The following PAK4 variants were observed in gnomAD, a reference collection of about 807,000 sequenced individuals.
PAK4 encodes the protein p21 (RAC1) activated kinase 4.
In PAK4, 49 loss-of-function variants were observed where a neutral mutation model predicts 53.5. The observed-to-expected ratio is 0.92, with a 90% CI of 0.73 to 1.16. The LOEUF is 1.16. PAK4 is among the 50% of genes most tolerant of loss of function. PAK4 has a pLI of 0.00. For synonymous variants in PAK4, 376 were observed against 375.6 expected (o/e 1.00, Z -0.01); for missense variants, 824 against 850.7 (o/e 0.97, Z 0.39).
At chr19:39,135,956 C>G (rs142322107) in intron 1 of PAK4, among the ~76,000 whole-genome samples, 4 of 151,486 alleles carry the variant, frequency 2.6e-5, no homozygotes, top group Non-Finnish European at 5.9e-5. Flanking sequence ...GACAATGTAA[C>G]CTGGTGCTGC....
At chr19:39,167,153 C>G (rs2074390131) in intron 1 of PAK4, among the ~76,000 whole-genome samples, 1 of 152,224 alleles carries the variant, frequency 6.6e-6, no homozygotes, top group Non-Finnish European at 1.5e-5. Flanking sequence ...GCCCTCCGGG[C>G]TTAGTGAGGG....
chr19:39,176,816 T>C (rs2074615475), intron 7 of PAK4, 101 bp downstream of exon 8: 12 of 1,404,382 alleles, frequency 8.5e-6, no homozygotes, highest in Non-Finnish European at 1.2e-5. Flanking sequence ...TGGGGAGTCA[T>C]TGCCAGGAAT....
chr19:39,135,675 C>CGACTGAAG (rs2145121822), intron 1 of PAK4, among the ~76,000 whole-genome samples: 2 of 152,054 alleles, frequency 1.3e-5, no homozygotes, highest in East Asian at 3.9e-4. Context: ...TGGGGCCCAG[C>CGACTGAAG]GACTGAAGGG....
intron 2 of PAK4, among the ~76,000 whole-genome samples, chr19:39,171,707 G>A (rs1345810007): frequency 6.6e-6 from 1 of 152,156 alleles, no homozygotes; most frequent in African/African-American, 2.4e-5. Context: ...GGCAGGGTCC[G>A]GGTTTCGTGG....
chr19:39,173,066 C>T lies in PAK4; in HGVS notation c.353C>T (p.Pro118Leu). ...CGTGCCCGCCAGGAAAATGGGATGC[C>T]AGAGGAGCCGGCCACCACGGCCAGA... Residue 118 changes from proline to leucine, a missense_variant, in exon 3 of 9, where the codon CCA becomes CTA. Physicochemically the swap from Pro to Leu is moderately conservative, Grantham distance 98. Transcript: ENST00000358301. This position sits in a 1 kb window ranked among gnomAD's most constrained non-coding sequence, Gnocchi z 6.9. 1 of 1,549,026 alleles carries T rather than the reference C, an allele frequency of 6.5e-7. No individual in the cohort carries two copies.
At chr19:39,127,394 C>A (rs73044461) in intron 1 of PAK4, among the ~76,000 whole-genome samples, 1 of 151,966 alleles carries the variant, frequency 6.6e-6, no homozygotes, top group Admixed American at 6.6e-5. Flanking sequence ...ACTGACGGGT[C>A]GCTCACTCTC....
chr19:39,168,365 G>A (rs1258907097), intron 1 of PAK4, 63 bp downstream of exon 2: 1 of 152,270 alleles, frequency 6.6e-6, no homozygotes, highest in Non-Finnish European at 1.5e-5. Context: ...GGGCCTTAGG[G>A]GGGAGCAGGA....
At chr19:39,133,298 C>T (rs188818572) in intron 1 of PAK4, among the ~76,000 whole-genome samples, 32 of 152,284 alleles carry the variant, frequency 2.1e-4, no homozygotes, top group Admixed American at 1.2e-3. Flanking sequence ...CTGTTAGCTG[C>T]GTTACTAATA....
rs187595768 is a variant in PAK4, at chr19:39,175,559, C to T, written c.1359+121C>T. The stretch of plus-strand genomic sequence containing the variant: ...ACCCCCAGGTCTGTGTCTTGAGGAG[C>T]TGGGAACTTCGTCCCTCCCTGGTGG... On this transcript the variant is annotated intron_variant, in intron 6 of 8. Transcript: ENST00000358301. The surrounding 1 kb of genome is among the most constrained non-coding windows in gnomAD (Gnocchi z 4.7). 1.1e-3 allele frequency: 1,252 copies of T among 1,115,406 alleles called. 14 individuals carry two copies. The African/African-American group carries it at 0.018, about 16-fold the overall frequency. The allele number at this position is 1,115,406 out of a possible 1,614,324, so 69.1% of individuals were successfully genotyped here.
At chr19:39,142,854 G>A (rs1180796969) in intron 1 of PAK4, among the ~76,000 whole-genome samples, 1 of 152,152 alleles carries the variant, frequency 6.6e-6, no homozygotes, top group Non-Finnish European at 1.5e-5. Flanking sequence ...CGTCCCTTGG[G>A]CTGTGGTGAC....
downstream of PAK4, chr19:39,181,132 CAA>C (rs2074696934): frequency 1.3e-5 from 2 of 152,370 alleles, no homozygotes; most frequent in African/African-American, 4.8e-5. Context: ...TTTTTAGAGA[CAA>C]GATGTTGCTA....
At chr19:39,165,452 TTG>T (rs1266416517) in intron 1 of PAK4, among the ~76,000 whole-genome samples, 2 of 148,680 alleles carry the variant, frequency 1.3e-5, no homozygotes, top group African/African-American at 4.9e-5. Context: ...GAGGCGGAGG[TTG>T]CAGTGAGCTG....
At chr19:39,168,010 C>T (rs753379068) in intron 1 of PAK4, 7 of 152,464 alleles carry the variant, frequency 4.6e-5, no homozygotes, top group Non-Finnish European at 7.3e-5. Context: ...CTGCCCACCC[C>T]GCGTCCCTCC....
At chr19:39,165,179 G>GGAT (rs200789343) in intron 1 of PAK4, among the ~76,000 whole-genome samples, 8 of 138,766 alleles carry the variant, frequency 5.8e-5, no homozygotes, top group East Asian at 4.3e-4. Flanking sequence ...AGCCTTGAGA[G>GGAT]GATGATGATG....
At chr19:39,128,890 T>G (rs1238478097) in intron 1 of PAK4, among the ~76,000 whole-genome samples, 8 of 152,248 alleles carry the variant, frequency 5.3e-5, no homozygotes, top group Admixed American at 5.2e-4. Context: ...AAAGATGCCT[T>G]GGCCCAGGCC....
In PAK4 at chr19:39,128,187, A is replaced by C. The variant is rs145212498; in HGVS notation, c.-23+2268A>C. 5.7e-3 allele frequency among the ~76,000 whole-genome samples: 870 copies of C among 152,338 alleles called. 5 individuals carry two copies. The highest frequency in any genetic ancestry group is 0.017 in the Middle Eastern group (5 of 294). ...ATGGGCATAGTGTTAGCGCTGCCTC[A>C]TAGAATTGCTGTGAGGATGCAGGCT... On this transcript the variant is annotated intron_variant, in intron 1 of 8. Transcript: ENST00000358301.
intron 2 of PAK4, 141 bp from the exon 4 acceptor site, chr19:39,172,777 T>G: frequency 1.4e-6 from 1 of 738,034 alleles, no homozygotes; most frequent in Non-Finnish European, 2.2e-6. Flanking sequence ...GCCCATGCCA[T>G]TGTCACTCCA....
At chr19:39,145,817 C>T (rs950335456) in intron 1 of PAK4, among the ~76,000 whole-genome samples, 3 of 152,236 alleles carry the variant, frequency 2.0e-5, no homozygotes, top group Middle Eastern at 3.4e-3. Flanking sequence ...CCCTCACCCG[C>T]CCTGTTTGCC....
chr19:39,175,394 C>T lies in PAK4; in HGVS notation c.1315C>T (p.Arg439Trp), dbSNP rs375117492. ...GCTCCACGCCCAGGGCGTCATCCAC[C>T]GGGACATCAAGAGCGACTCGATCCT... is the stretch of plus-strand genomic sequence containing the variant. The change falls in exon 6 of 9, where the codon CGG (arginine) becomes TGG (tryptophan). Residue 439 changes from arginine (R) to tryptophan (W), a missense_variant. Transcript: ENST00000358301. The surrounding 1 kb of genome is among the most constrained non-coding windows in gnomAD (Gnocchi z 4.7). 16 of 1,597,398 alleles carry T rather than the reference C, an allele frequency of 1.0e-5. No individual in the cohort carries two copies. The highest frequency in any genetic ancestry group is 1.2e-5 in the Non-Finnish European group (14 of 1,172,680).
Sources: allele counts gnomAD v4.1 joint callset (sites outside exome capture counted in the v4.1 genomes callset), GRCh38; gene constraint gnomAD v4.1.1; non-coding constraint Gnocchi (gnomAD v3.1); transcripts MANE v1.5; gene names NCBI Gene and HGNC (gene_info 2026-07-23, HGNC 2026-07-21).